NCOR2: variants seen among roughly 807,000 people sequenced by gnomAD.
NCOR2 encodes CTG repeat protein 26.
In NCOR2, 81 loss-of-function variants were observed where a neutral mutation model predicts 262.9. That is an observed-to-expected ratio of 0.31 (90% CI 0.26 to 0.37). NCOR2 has a LOEUF of 0.37. Among genes scored for constraint, NCOR2 ranks in the 10% least tolerant of loss-of-function variants. The pLI is 1.00. For missense variants in NCOR2, 3,385 were observed against 3,621.4 expected (o/e 0.93, Z 1.68); for synonymous variants, 1,659 against 1,559.3 (o/e 1.06, Z -1.51).
chr12:124,361,934 A>G (rs1360344247), intron 22 of NCOR2, among the ~76,000 whole-genome samples, 192 bp downstream of exon 24: 4 of 152,260 alleles, frequency 2.6e-5, no homozygotes, highest in Admixed American at 6.5e-5. Flanking sequence ...AGAGAAAACA[A>G]GAGTTCTCCA....
At chr12:124,423,571 G>A (rs951610093) in intron 11 of NCOR2, among the ~76,000 whole-genome samples, 1 of 152,360 alleles carries the variant, frequency 6.6e-6, no homozygotes, top group African/African-American at 2.4e-5. Flanking sequence ...CACCTCGGGC[G>A]GCTGGCAAGG....
chr12:124,560,992 G>C (rs2052051108), intron 1 of NCOR2, among the ~76,000 whole-genome samples: 1 of 152,206 alleles, frequency 6.6e-6, no homozygotes, highest in Non-Finnish European at 1.5e-5. Context: ...AAATAAGTAT[G>C]ATCCCACTTA....
At chr12:124,343,032 T>C in exon 33 of NCOR2, 1 of 1,611,514 alleles carries the variant, frequency 6.2e-7, no homozygotes, top group East Asian at 2.2e-5. Context: ...CCGCGGGGTA[T>C]GGAGGTGGGG....
chr12:124,335,672 A>G, intron 38 of NCOR2, 40 bp from the exon 41 acceptor site: 1 of 1,561,552 alleles, frequency 6.4e-7, no homozygotes. Flanking sequence ...CACCGGGCCC[A>G]GGGTTTCGGA....
At position 124,346,869 on chromosome 12, in the gene NCOR2, T is replaced by G. The variant is rs781070960; in HGVS notation, c.4073-19A>C. The G allele has an allele frequency of 1.4e-5, 22 of 1,534,310 alleles. No individual in the cohort carries two copies. Among genetic ancestry groups the G allele is most frequent in the Non-Finnish European group, 1.9e-5 (22 of 1,142,840 alleles). ...GGGATCCCTGCCGGGCCGACAGCAC[T>G]GACCCTCACGCCCCGCCCCACCCAG... On this transcript the variant is annotated intron_variant, in intron 30 of 46. Coordinates refer to ENST00000405201, the Ensembl canonical transcript of NCOR2.
chr12:124,423,567 G>A (rs1025890562), intron 11 of NCOR2, among the ~76,000 whole-genome samples: 2 of 152,210 alleles, frequency 1.3e-5, no homozygotes, highest in African/African-American at 2.4e-5. Context: ...ATCCCACCTC[G>A]GGCGGCTGGC....
chr12:124,347,865 G>T, exon 30 of NCOR2: 1 of 1,569,358 alleles, frequency 6.4e-7, no homozygotes, highest in Non-Finnish European at 8.6e-7. Context: ...GCTCTTTGAG[G>T]TGGTGGGGGC....
At chr12:124,500,281 C>T (rs1239807908) in intron 1 of NCOR2, among the ~76,000 whole-genome samples, 2 of 152,158 alleles carry the variant, frequency 1.3e-5, no homozygotes, top group African/African-American at 2.4e-5. Flanking sequence ...GCAGATCCCA[C>T]GCAGGCAGGT....
intron 44 of NCOR2, among the ~76,000 whole-genome samples, chr12:124,329,358 G>T (rs2034981565): frequency 6.6e-6 from 1 of 152,112 alleles, no homozygotes; most frequent in Non-Finnish European, 1.5e-5. Context: ...CTACTTGGGA[G>T]GCTGAGGTGG....
At chr12:124,409,139 C>T (rs1310592153) in intron 13 of NCOR2, among the ~76,000 whole-genome samples, 1 of 152,250 alleles carries the variant, frequency 6.6e-6, no homozygotes, top group Non-Finnish European at 1.5e-5. Flanking sequence ...GAAGCCTGTT[C>T]CGCCTGTACA....
rs187490357 is a variant in NCOR2, at chr12:124,494,857, C to G, written c.105+290G>C. 7.5e-4 allele frequency among the ~76,000 whole-genome samples: 115 copies of G among 152,354 alleles called. 3 individuals are homozygous for G. The East Asian group carries it at 0.021, about 27-fold the overall frequency. ...TGCAGGAAAGTGAATACAGCAGGAG[C>G]TCCACATTCGCGTGCCAATCCCACT... On this transcript the variant is annotated intron_variant, in intron 1 of 46. Coordinates refer to ENST00000405201, the Ensembl canonical transcript of NCOR2.
At chr12:124,526,092 A>C (rs938816741) in intron 1 of NCOR2, among the ~76,000 whole-genome samples, 1 of 152,150 alleles carries the variant, frequency 6.6e-6, no homozygotes, top group African/African-American at 2.4e-5. Context: ...GCATGTACAC[A>C]CATTAGTCCC....
chr12:124,333,982 G>A (rs562687259), intron 41 of NCOR2, among the ~76,000 whole-genome samples: 4 of 150,544 alleles, frequency 2.7e-5, no homozygotes, highest in East Asian at 1.9e-4. Flanking sequence ...GCATGTGTGC[G>A]GGTGTGCATG....
intron 1 of NCOR2, among the ~76,000 whole-genome samples, chr12:124,545,333 A>T (rs2051506400): frequency 6.6e-6 from 1 of 152,166 alleles, no homozygotes; most frequent in African/African-American, 2.4e-5. Flanking sequence ...GCCAGAGGCC[A>T]GTGACAACAG....
intron 7 of NCOR2, among the ~76,000 whole-genome samples, chr12:124,446,283 C>T (rs2045166557): frequency 6.6e-6 from 1 of 152,198 alleles, no homozygotes; most frequent in Non-Finnish European, 1.5e-5. Flanking sequence ...GTATTCTCAC[C>T]CCTACCCCCA....
At chr12:124,502,294 G>C (rs1462898923) in intron 1 of NCOR2, among the ~76,000 whole-genome samples, 3 of 152,254 alleles carry the variant, frequency 2.0e-5, no homozygotes, top group Non-Finnish European at 4.4e-5. Flanking sequence ...CACCTACTGT[G>C]TGAAAGGTGC....
Position 124,409,812 on chromosome 12 carries a change from G to A in NCOR2, c.1483-7251C>T, listed in dbSNP as rs546086402. Among the ~76,000 whole-genome samples, 4 of 152,072 alleles carry A rather than the reference G, an allele frequency of 2.6e-5. No homozygotes were observed. In the East Asian group the frequency reaches 5.8e-4, roughly 22 times the overall value. ...TCCACCTCAGCCTCCCAAGAAGCTC[G>A]GACCACAGCAGCAAGCCACCTCACC... is the stretch of plus-strand genomic sequence containing the variant. On this transcript the variant is annotated intron_variant, in intron 13 of 46. Coordinates refer to ENST00000405201, the Ensembl canonical transcript of NCOR2.
chr12:124,333,310 A>T, intron 41 of NCOR2, 31 bp from the exon 44 acceptor site: 1 of 1,548,678 alleles, frequency 6.5e-7, no homozygotes, highest in Non-Finnish European at 8.7e-7. Flanking sequence ...AGATGTGGTC[A>T]GAGGTCTCCC....
At chr12:124,387,723 G>A (rs938004507) in intron 16 of NCOR2, among the ~76,000 whole-genome samples, 81 of 152,372 alleles carry the variant, frequency 5.3e-4, no homozygotes, top group African/African-American at 1.8e-3. Context: ...CTCCGCCCGC[G>A]CCAGCAGCAG....
Sources: gnomAD v4.1 joint callset for allele counts (sites outside exome capture counted in the v4.1 genomes callset) on GRCh38, gnomAD v4.1.1 for gene constraint, MANE v1.5 for transcripts, NCBI Gene and HGNC (gene_info 2026-07-23, HGNC 2026-07-21) for gene names.